The following SNX5 variants were observed in gnomAD, a reference collection of about 807,000 sequenced individuals.
The protein encoded by SNX5 is sorting nexin-5.
A neutral mutation model predicts 53.9 loss-of-function variants in SNX5; 31 were observed. The observed-to-expected ratio is 0.58, with a 90% CI of 0.43 to 0.78. The LOEUF (loss-of-function observed/expected upper bound fraction) is 0.78, where lower values mean the gene tolerates loss of function less well. SNX5 is among the 30% of genes least tolerant of loss of function. SNX5 has a pLI of 0.00. For missense variants in SNX5, 471 were observed against 478.8 expected (o/e 0.98, Z 0.15); for synonymous variants, 168 against 171.1 (o/e 0.98, Z 0.14).
At chr20:17,951,794 A>G (rs560557883) in intron 5 of SNX5, among the ~76,000 whole-genome samples, 199 bp from the exon 6 acceptor site, 1 of 152,240 alleles carries the variant, frequency 6.6e-6, no homozygotes, top group Non-Finnish European at 1.5e-5. Flanking sequence ...TCATTCTAAA[A>G]GGCTTGACAG....
intron 3 of SNX5, 142 bp from the exon 4 acceptor site, chr20:17,954,259 C>G: frequency 7.8e-7 from 1 of 1,283,248 alleles, no homozygotes; most frequent in Non-Finnish European, 1.0e-6. Flanking sequence ...CCTGTTTTTT[C>G]TTAACCTTCC....
In SNX5 at chr20:17,943,156, C is replaced by G; in HGVS notation, c.1118G>C (p.Arg373Thr). 2 of 1,611,156 alleles carry G rather than the reference C, an allele frequency of 1.2e-6. No homozygotes were observed. The highest frequency in any genetic ancestry group is 1.7e-4 in the Middle Eastern group (1 of 6,040). ...NFKRKRVAAF[R>T]KNLIEMSELE... is the part of the protein sequence containing the mutation. ...TTCAGACATTTCAATTAGATTCTTT[C>G]TAAATGCTGCCACTCTCTTCCGTTT... Residue 373 changes from arginine (R) to threonine (T), a missense_variant, in exon 12 of 13, where the codon AGA (arginine) becomes ACA (threonine). Transcript: ENST00000377759.
intron 1 of SNX5, 58 bp from the exon 2 acceptor site, chr20:17,957,095 C>CA: frequency 1.0e-6 from 1 of 1,003,206 alleles, no homozygotes; most frequent in Non-Finnish European, 1.6e-6. Context: ...AAAATTATTC[C>CA]AAAAATGAGT....
chr20:17,946,622 C>T (rs2039491195), intron 11 of SNX5, among the ~76,000 whole-genome samples: 1 of 152,158 alleles, frequency 6.6e-6, no homozygotes, highest in Non-Finnish European at 1.5e-5. Context: ...CAAGTGCCAA[C>T]TTGGGTAGGA....
In SNX5 at chr20:17,941,678, C is replaced by T. The variant is rs2039418056; in HGVS notation, c.*679G>A. 3 of 152,264 alleles carry T rather than the reference C, an allele frequency of 2.0e-5. No individual in the cohort carries two copies. Among genetic ancestry groups the T allele is most frequent in the Admixed American group, 2.0e-4 (3 of 15,270 alleles). 9.4% of individuals were successfully genotyped at this position (152,264 alleles called of 1,614,324 possible). ...ACATACAACACACCGCCCTCACCCC[C>T]CAGCGGCCATTAGGGAGGGGGCTTA... On this transcript the variant is annotated 3_prime_UTR_variant, in exon 13 of 13. Transcript: ENST00000377759.
At chr20:17,947,302 T>G (rs1453609949) in intron 11 of SNX5, 184 bp downstream of exon 11, 1 of 586,314 alleles carries the variant, frequency 1.7e-6, no homozygotes, top group Non-Finnish European at 2.9e-6. Context: ...AAACCAGGTG[T>G]GTAACGTTTG....
chr20:17,942,502 G>T, intron 12 of SNX5, 95 bp from the exon 13 acceptor site: 1 of 952,960 alleles, frequency 1.0e-6, no homozygotes. Flanking sequence ...TTTCACGGGA[G>T]GTTTAAAGTC....
intron 1 of SNX5, among the ~76,000 whole-genome samples, chr20:17,966,372 G>A (rs1284686833): frequency 1.4e-5 from 2 of 144,880 alleles, no homozygotes; most frequent in African/African-American, 2.6e-5. Context: ...ACGACAGAGC[G>A]AGACTCCGTC....
Position 17,942,203 on chromosome 20 carries a change from T to C in SNX5, c.*154A>G. 6.5e-6 allele frequency: 4 copies of C among 613,814 alleles called. No individual in the cohort carries two copies. Among genetic ancestry groups the C allele is most frequent in the Non-Finnish European group, 1.2e-5 (4 of 345,366 alleles). The allele number at this position is 613,814 out of a possible 1,614,324, so 38.0% of individuals were successfully genotyped here. A position where few individuals can be genotyped will look rare whatever the true frequency, so the allele number is the denominator to read the frequency against. ...AAGCAATAATATTTTTAAACCAACA[T>C]GGTTAAATGTTAAGATTTGTAGAAA... On this transcript the variant is annotated 3_prime_UTR_variant, in exon 13 of 13. Coordinates refer to ENST00000377759, the MANE Select transcript of SNX5 (RefSeq NM_014426.4).
chr20:17,957,691 T>C (rs2035384843), intron 1 of SNX5, among the ~76,000 whole-genome samples: 1 of 152,110 alleles, frequency 6.6e-6, no homozygotes, highest in Admixed American at 6.5e-5. Flanking sequence ...ACAATGAACA[T>C]TCAAGAGGCA....
chr20:17,959,015 AG>A (rs1416769072), intron 1 of SNX5, among the ~76,000 whole-genome samples: 1 of 152,176 alleles, frequency 6.6e-6, no homozygotes, highest in Non-Finnish European at 1.5e-5. Context: ...CCTTTCCCAG[AG>A]CTCAAAAACT....
chr20:17,958,245 C>G (rs768142651), intron 1 of SNX5, among the ~76,000 whole-genome samples: 2 of 152,110 alleles, frequency 1.3e-5, no homozygotes, highest in Non-Finnish European at 2.9e-5. Context: ...GCACGGAATG[C>G]CAAGTGAAGA....
At chr20:17,967,674 A>AC (rs1337766074) in intron 1 of SNX5, 3 of 162,366 alleles carry the variant, frequency 1.8e-5, no homozygotes, top group Non-Finnish European at 2.7e-5. Flanking sequence ...CCAATGAAAA[A>AC]GAGTGGAGGC....
At chr20:17,944,037 G>A (rs938005277) in intron 11 of SNX5, 2 of 152,144 alleles carry the variant, frequency 1.3e-5, no homozygotes, top group Non-Finnish European at 2.9e-5. Context: ...TCTCATATGG[G>A]ACAATGTGGA....
intron 1 of SNX5, chr20:17,968,050 A>C: frequency 1.5e-5 from 6 of 398,644 alleles, no homozygotes. Flanking sequence ...ACTGGTCACC[A>C]CGAAGCCGAG....
intron 1 of SNX5, among the ~76,000 whole-genome samples, chr20:17,967,082 G>A (rs1466373931): frequency 2.0e-5 from 3 of 152,132 alleles, no homozygotes; most frequent in Admixed American, 1.3e-4. Flanking sequence ...TTTTGCTGGA[G>A]GATCAGGGTG....
intron 11 of SNX5, 146 bp downstream of exon 11, chr20:17,947,340 G>A (rs2072999355): frequency 1.3e-6 from 1 of 772,698 alleles, no homozygotes; most frequent in African/African-American, 1.8e-5. Context: ...GAGGATGACT[G>A]TGCATGTGCA....
intron 10 of SNX5, among the ~76,000 whole-genome samples, chr20:17,948,651 T>TTC (rs1242753407): frequency 6.6e-6 from 1 of 152,208 alleles, no homozygotes; most frequent in Non-Finnish European, 1.5e-5. Flanking sequence ...AAACAGCCCT[T>TTC]TCTGCATGTT....
chr20:17,960,954 G>A (rs73264182), intron 1 of SNX5, among the ~76,000 whole-genome samples: 1,641 of 152,248 alleles, frequency 0.011, 32 homozygotes, highest in African/African-American at 0.038. Flanking sequence ...AGTTCATGAT[G>A]TACTTCCCTA....
Sources: gnomAD v4.1 joint callset for allele counts (sites outside exome capture counted in the v4.1 genomes callset) on GRCh38, gnomAD v4.1.1 for gene constraint, MANE v1.5 for transcripts, NCBI Gene and HGNC (gene_info 2026-07-23, HGNC 2026-07-21) for gene names.